WLS: variants seen among roughly 807,000 people sequenced by gnomAD.
WLS encodes protein wntless homolog.
Under a neutral mutation model 62.8 loss-of-function variants are expected in WLS, and 23 were observed. The observed-to-expected ratio is 0.37, with a 90% CI of 0.26 to 0.52. WLS has a LOEUF of 0.52. Among genes scored for constraint, WLS ranks in the 20% least tolerant of loss-of-function variants. The pLI, the probability that WLS is intolerant of heterozygous loss-of-function variation, is 0.92. For synonymous variants in WLS, 246 were observed against 244.1 expected (o/e 1.01, Z -0.07); for missense variants, 615 against 697.3 (o/e 0.88, Z 1.33).
chr1:68,198,966 A>G (rs1453657235), intron 1 of WLS, among the ~76,000 whole-genome samples: 1 of 152,230 alleles, frequency 6.6e-6, no homozygotes, highest in East Asian at 1.9e-4. Flanking sequence ...CAGTTTACAA[A>G]TTACTATCTA....
intron 5 of WLS, 124 bp downstream of exon 5, chr1:68,153,393 T>A: frequency 7.4e-7 from 1 of 1,346,488 alleles, no homozygotes; most frequent in East Asian, 2.4e-5. Context: ...CCAGGATGAC[T>A]CCTGGTCAAA....
chr1:68,188,430 G>T (rs111530492), intron 2 of WLS, among the ~76,000 whole-genome samples: 1 of 152,144 alleles, frequency 6.6e-6, no homozygotes, highest in African/African-American at 2.4e-5. Flanking sequence ...AATATACTGC[G>T]TAATCTGCCC....
intron 11 of WLS, among the ~76,000 whole-genome samples, chr1:68,120,100 G>A (rs2270): frequency 0.044 from 6,713 of 152,204 alleles, 223 homozygotes; most frequent in Middle Eastern, 0.1. Context: ...TGCATCAGGC[G>A]CCTACCATTG....
At chr1:68,169,940 C>A (rs925146973) in intron 2 of WLS, among the ~76,000 whole-genome samples, 1 of 152,152 alleles carries the variant, frequency 6.6e-6, no homozygotes, top group Non-Finnish European at 1.5e-5. Context: ...AGTAAGAGCT[C>A]AGCTTTGGAG....
intron 2 of WLS, chr1:68,162,387 C>T (rs181820900): frequency 5.6e-6 from 9 of 1,613,906 alleles, no homozygotes; most frequent in Middle Eastern, 1.7e-4. Context: ...CGCAGTCGCT[C>T]TGATACAGCA....
At chr1:68,142,948 T>C (rs552787258) in intron 10 of WLS, 1 of 152,296 alleles carries the variant, frequency 6.6e-6, no homozygotes, top group East Asian at 1.9e-4. Context: ...AAAATCCCTA[T>C]AGTGTTAGTA....
chr1:68,223,551 A>T (rs1047061295), intron 1 of WLS, among the ~76,000 whole-genome samples: 9 of 152,242 alleles, frequency 5.9e-5, no homozygotes, highest in African/African-American at 2.2e-4. Context: ...AAAGAAATGT[A>T]GGAGAGATGG....
At chr1:68,203,070 T>C (rs1313532108) in intron 1 of WLS, 2 of 152,340 alleles carry the variant, frequency 1.3e-5, no homozygotes, top group East Asian at 3.9e-4. Context: ...AATCAGACAT[T>C]TATTATTCAT....
At chr1:68,112,614 A>G (rs569408880) in intron 11 of WLS, among the ~76,000 whole-genome samples, 12 of 151,574 alleles carry the variant, frequency 7.9e-5, no homozygotes, top group Admixed American at 2.0e-4. Flanking sequence ...CTTTTATCCA[A>G]CTCTTTCAAG....
intron 11 of WLS, chr1:68,127,070 T>C (rs754629315): frequency 4.7e-5 from 19 of 400,922 alleles, no homozygotes; most frequent in South Asian, 1.2e-4. Flanking sequence ...TAACTCACAC[T>C]TGTAACCTCA....
intron 2 of WLS, chr1:68,163,112 C>T: frequency 6.6e-7 from 1 of 1,519,204 alleles, no homozygotes; most frequent in Non-Finnish European, 9.0e-7. Flanking sequence ...CTTTGCAACT[C>T]TCAGATCAAA....
chr1:68,137,798 C>T lies in WLS; in HGVS notation c.1498G>A (p.Gly500Arg), dbSNP rs753014700. The T allele has an allele frequency of 2.0e-5, 32 of 1,613,644 alleles. No individual in the cohort carries two copies. Among genetic ancestry groups the T allele is most frequent in the Non-Finnish European group, 2.7e-5 (32 of 1,179,802 alleles). ...FLYAPSHKNY[G>R]EDQSNGDLGV... ...AACTCACCATTGGACTGGTCTTCTC[C>T]ATAGTTTTTATGGGATGGTGCATAC... is the stretch of plus-strand genomic sequence containing the variant. Residue 500 changes from glycine (G) to arginine (R), a missense_variant, in exon 11 of 12, where the codon GGA becomes AGA. Transcript: ENST00000262348.
At chr1:68,188,039 G>A (rs1308247673) in intron 2 of WLS, among the ~76,000 whole-genome samples, 1 of 152,162 alleles carries the variant, frequency 6.6e-6, no homozygotes. Flanking sequence ...TGATGTAAAA[G>A]GTAGAACCAC....
chr1:68,143,172 G>A (rs1160695191), intron 10 of WLS, among the ~76,000 whole-genome samples: 1 of 152,060 alleles, frequency 6.6e-6, no homozygotes, highest in African/African-American at 2.4e-5. Flanking sequence ...GTTGCTAAAG[G>A]GGTCCATATA....
Position 68,144,578 on chromosome 1 carries a change from G to A in WLS, c.1353C>T (p.Ile451=), listed in dbSNP as rs201544180. Residue 451 remains isoleucine (I), a synonymous_variant, in exon 10 of 12, where the codon ATC becomes ATT. Transcript: ENST00000262348. ...CTCAGGGTCCACTTACCTGACTAAC[G>A]ATGAAGAAGATGACAGTCATGGCAG... ...ACAAMTVIFF[I]VSQVTEGHWK... 22 of 1,613,432 alleles carry A rather than the reference G, an allele frequency of 1.4e-5. No individual in the cohort carries two copies. Among genetic ancestry groups the A allele is most frequent in the African/African-American group, 2.7e-5 (2 of 75,010 alleles).
Position 68,207,209 on chromosome 1 carries a change from T to C in WLS, c.107-12982A>G, listed in dbSNP as rs556975016. ...GTCTAATCCAATAATAATAAAGACCTTTAGGAGAAAACAACAAAAAACACC... is the reference window on the plus strand; with the variant it reads ...GTCTAATCCAATAATAATAAAGACCCTTAGGAGAAAACAACAAAAAACACC... On this transcript the variant is annotated intron_variant, in intron 1 of 11. Transcript: ENST00000262348. Among the ~76,000 whole-genome samples the C allele has an allele frequency of 2.0e-5, 3 of 152,308 alleles. No homozygotes were observed. The South Asian group carries it at 6.2e-4, about 32-fold the overall frequency.
Position 68,159,267 on chromosome 1 carries a change from C to A in WLS, c.380-20G>T. 6.2e-7 allele frequency: 1 copy of A among 1,607,354 alleles called. No homozygotes were observed. Among genetic ancestry groups the A allele is most frequent in the Non-Finnish European group, 8.5e-7 (1 of 1,177,866 alleles). On this transcript the variant is annotated intron_variant, in intron 2 of 11. Coordinates refer to ENST00000262348, the MANE Select transcript of WLS (RefSeq NM_024911.7). ...TTTCTCCTGCAAGAGAAAGGATGCA[C>A]GTTTCAGAAATGACTTTTGGAAAGA... is the stretch of plus-strand genomic sequence containing the variant.
chr1:68,129,450 A>ATGAG (rs1271860296), intron 11 of WLS, among the ~76,000 whole-genome samples: 2 of 152,264 alleles, frequency 1.3e-5, no homozygotes, highest in African/African-American at 4.8e-5. Flanking sequence ...TTATAAATTT[A>ATGAG]TGAGTATTGG....
intron 2 of WLS, among the ~76,000 whole-genome samples, chr1:68,183,865 C>T (rs1395615262): frequency 6.6e-6 from 1 of 152,074 alleles, no homozygotes; most frequent in East Asian, 1.9e-4. Flanking sequence ...TACAGAAATG[C>T]TTTCAGTGTG....
Sources: allele counts gnomAD v4.1 joint callset (sites outside exome capture counted in the v4.1 genomes callset), GRCh38; gene constraint gnomAD v4.1.1; transcripts MANE v1.5; gene names NCBI Gene and HGNC (gene_info 2026-07-23, HGNC 2026-07-21).